SPATA6L: variants seen among roughly 807,000 people sequenced by gnomAD.
SPATA6L encodes spermatogenesis associated 6-like protein.
A neutral mutation model predicts 49.2 loss-of-function variants in SPATA6L; 68 were observed. The ratio of observed to expected loss-of-function variants is 1.38; its 90% CI spans 1.14 to 1.69. The LOEUF (loss-of-function observed/expected upper bound fraction) is 1.69. Ranked by LOEUF, SPATA6L falls within the 40% of genes most tolerant of loss-of-function variation. SPATA6L has a pLI of 0.00. For synonymous variants in SPATA6L, 198 were observed against 165.7 expected (o/e 1.19, Z -1.50); for missense variants, 668 against 464.3 (o/e 1.44, Z -4.03).
chr9:4,609,951 C>T (rs565230207), intron 9 of SPATA6L, among the ~76,000 whole-genome samples: 1 of 152,096 alleles, frequency 6.6e-6, no homozygotes, highest in South Asian at 2.1e-4. Flanking sequence ...AGCAAAGTCT[C>T]AGGATACAAA....
chr9:4,662,379 C>G lies in SPATA6L; in HGVS notation c.40-343G>C. 6.6e-7 allele frequency: 1 copy of G among 1,514,406 alleles called. No homozygotes were observed. The highest frequency in any genetic ancestry group is 8.8e-7 in the Non-Finnish European group (1 of 1,139,178). The allele number at this position is 1,514,406 out of a possible 1,614,324, so 93.8% of individuals were successfully genotyped here. On this transcript the variant is annotated intron_variant, in intron 1 of 11. Coordinates refer to ENST00000682582, the MANE Select transcript of SPATA6L (RefSeq NM_001353486.2). The surrounding 1 kb of genome is among the most constrained non-coding windows in gnomAD (Gnocchi z 4.9). ...GGGATCCGGGCCGCCAGCTGCGATGCCAAGTCCCCGGAGGAGCATGGAGGG... is the reference window on the plus strand; with the variant it reads ...GGGATCCGGGCCGCCAGCTGCGATGGCAAGTCCCCGGAGGAGCATGGAGGG...
intron 3 of SPATA6L, 61 bp downstream of exon 3, chr9:4,655,980 G>T: frequency 1.6e-6 from 2 of 1,290,086 alleles, no homozygotes; most frequent in South Asian, 1.3e-5. Flanking sequence ...GCAGAGTTTT[G>T]AATCTGTGAA....
intron 9 of SPATA6L, among the ~76,000 whole-genome samples, chr9:4,612,095 C>G (rs1306061140): frequency 1.3e-5 from 2 of 151,960 alleles, no homozygotes; most frequent in Admixed American, 6.6e-5. Flanking sequence ...CCACCTCAAT[C>G]TCCCAAAGAG....
Position 4,606,248 on chromosome 9 carries a change from G to C in SPATA6L, c.996-808C>G, listed in dbSNP as rs1296676878. On this transcript the variant is annotated intron_variant, in intron 9 of 11. Transcript: ENST00000682582. ...GGGGCGCCCGCCATTGCCCAGGCTT[G>C]CTGAGGTAAACAAAGCAGCCGGAAG... is the stretch of plus-strand genomic sequence containing the variant. Among the ~76,000 whole-genome samples, 15 of 142,390 alleles carry C rather than the reference G, an allele frequency of 1.1e-4. 1 individual carries two copies. Among genetic ancestry groups the C allele is most frequent in the Non-Finnish European group, 1.9e-4 (13 of 66,980 alleles). 93.4% of individuals were successfully genotyped at this position (142,390 alleles called of 152,430 possible).
chr9:4,606,004 G>A (rs942970472), intron 9 of SPATA6L, among the ~76,000 whole-genome samples: 4 of 152,262 alleles, frequency 2.6e-5, no homozygotes, highest in South Asian at 2.1e-4. Flanking sequence ...CTCGGGAAGC[G>A]CAAGGGGTCA....
intron 3 of SPATA6L, among the ~76,000 whole-genome samples, chr9:4,643,830 C>T (rs973740321): frequency 1.3e-5 from 2 of 152,024 alleles, no homozygotes; most frequent in African/African-American, 4.8e-5. Flanking sequence ...CTTGGTGAAA[C>T]CCTGACTCTA....
chr9:4,648,100 G>A (rs1835847941), intron 3 of SPATA6L, among the ~76,000 whole-genome samples: 1 of 152,088 alleles, frequency 6.6e-6, no homozygotes, highest in Admixed American at 6.5e-5. Flanking sequence ...CTCCCAAAGT[G>A]TTGGGATTAC....
At position 4,662,558 on chromosome 9, in the gene SPATA6L, G is replaced by A; in HGVS notation, c.40-522C>T. 9 of 1,581,366 alleles carry A rather than the reference G, an allele frequency of 5.7e-6. No homozygotes were observed. The highest frequency in any genetic ancestry group is 4.3e-4 in the Middle Eastern group (2 of 4,616). On this transcript the variant is annotated intron_variant, in intron 1 of 11. Coordinates refer to ENST00000682582, the MANE Select transcript of SPATA6L (RefSeq NM_001353486.2). This position sits in a 1 kb window ranked among gnomAD's most constrained non-coding sequence, Gnocchi z 4.9. ...CCACCTGCGCCCGGCTCCGTGCATC[G>A]GAGAGCCCAGTTCACCGCCGCGGCT...
At chr9:4,626,283 A>C in intron 5 of SPATA6L, 4 of 954,076 alleles carry the variant, frequency 4.2e-6, no homozygotes, top group Non-Finnish European at 5.5e-6. Flanking sequence ...GCACTCCTCC[A>C]GACATATCAG....
At chr9:4,641,914 T>C (rs10815048) in intron 3 of SPATA6L, among the ~76,000 whole-genome samples, 9,657 of 152,222 alleles carry the variant, frequency 0.063, 480 homozygotes, top group African/African-American at 0.12. Flanking sequence ...ACTACAGGCA[T>C]GCACCAGCAC....
chr9:4,631,937 T>C (rs1236045990), intron 4 of SPATA6L, among the ~76,000 whole-genome samples: 1 of 151,866 alleles, frequency 6.6e-6, no homozygotes, highest in Non-Finnish European at 1.5e-5. Flanking sequence ...AGAATAGCTG[T>C]CACCTCACAA....
At chr9:4,619,021 T>A in intron 7 of SPATA6L, 123 bp from the exon 8 acceptor site, 1 of 825,110 alleles carries the variant, frequency 1.2e-6, no homozygotes, top group Non-Finnish European at 2.0e-6. Flanking sequence ...TTTAAAAACT[T>A]AAATGCTCCC....
In SPATA6L at chr9:4,601,299, G is replaced by A. The variant is rs371926987; in HGVS notation, c.*2-490C>T. On this transcript the variant is annotated intron_variant, in intron 11 of 11. Transcript: ENST00000682582. ...TGTAATTTGGCACTGCACACTGGGG[G>A]CCGGGATTTCACGGCAATTATGCCT... 7.3e-5 allele frequency among the ~76,000 whole-genome samples: 11 copies of A among 151,504 alleles called. No individual in the cohort carries two copies. In the East Asian group the frequency reaches 1.4e-3, roughly 19 times the overall value.
exon 14 of SPATA6L, chr9:4,588,887 A>C (rs952021939): frequency 1.3e-5 from 2 of 152,188 alleles, no homozygotes; most frequent in African/African-American, 2.4e-5. Context: ...GAGCCATGGG[A>C]AGTGTGCTTG....
chr9:4,658,071 C>T (rs1029225478), intron 2 of SPATA6L, among the ~76,000 whole-genome samples: 2 of 152,134 alleles, frequency 1.3e-5, no homozygotes. Context: ...ATAGGTCCTT[C>T]CCTAGTGCCT....
downstream of SPATA6L, among the ~76,000 whole-genome samples, chr9:4,594,709 G>A (rs1822131107): frequency 6.6e-6 from 1 of 152,110 alleles, no homozygotes; most frequent in Non-Finnish European, 1.5e-5. Context: ...TGAAGCGAGT[G>A]ACCCAAGACT....
chr9:4,665,715 G>C (rs1005753230), intron 1 of SPATA6L, among the ~76,000 whole-genome samples: 1 of 152,180 alleles, frequency 6.6e-6, no homozygotes, highest in African/African-American at 2.4e-5. Flanking sequence ...TGGTAATTAC[G>C]AAATAGTGAT....
rs543552112 is a variant in SPATA6L at position 4,643,728 on chromosome 9, G to A, written c.227-8329C>T. ...GCTATCAAAATAATGATGTAGGCCG[G>A]GGGCAGTGGCTCACGTCTGTAACCC... On this transcript the variant is annotated intron_variant, in intron 3 of 11. Coordinates refer to ENST00000682582, the MANE Select transcript of SPATA6L (RefSeq NM_001353486.2). Among the ~76,000 whole-genome samples the A allele has an allele frequency of 8.5e-5, 13 of 152,182 alleles. 1 individual carries two copies. In the South Asian group the frequency reaches 2.5e-3, roughly 29 times the overall value.
chr9:4,621,291 A>G (rs1829232287), intron 7 of SPATA6L, among the ~76,000 whole-genome samples: 1 of 152,178 alleles, frequency 6.6e-6, no homozygotes, highest in African/African-American at 2.4e-5. Context: ...GTGACTCTCA[A>G]TGTGTGGTCC....
Sources: gnomAD v4.1 joint callset for allele counts (sites outside exome capture counted in the v4.1 genomes callset) on GRCh38, gnomAD v4.1.1 for gene constraint, Gnocchi (gnomAD v3.1) non-coding constraint, MANE v1.5 for transcripts, NCBI Gene and HGNC (gene_info 2026-07-23, HGNC 2026-07-21) for gene names.